Variants in ADAMTSL1 observed in about 807,000 individuals in gnomAD.
ADAMTSL1 encodes the protein ADAMTS-like protein 1.
Under a neutral mutation model 201.8 loss-of-function variants are expected in ADAMTSL1, and 126 were observed. That is an observed-to-expected ratio of 0.62 (90% CI 0.54 to 0.72). The LOEUF (loss-of-function observed/expected upper bound fraction) is 0.72, where lower values mean the gene tolerates loss of function less well. ADAMTSL1 is among the 30% of genes least tolerant of loss of function. The pLI, the probability that ADAMTSL1 is intolerant of heterozygous loss-of-function variation, is 0.00. For synonymous variants in ADAMTSL1, 1,121 were observed against 903.4 expected, an observed-to-expected ratio of 1.24 and a Z score of -4.32; for missense variants, 2,679 against 2,277.8, an observed-to-expected ratio of 1.18 and a Z score of -3.59.
intron 2 of ADAMTSL1, among the ~76,000 whole-genome samples, chr9:18,440,152 T>G (rs1819933578): frequency 6.6e-6 from 1 of 152,176 alleles, no homozygotes; most frequent in African/African-American, 2.4e-5. Flanking sequence ...TTATTCTTCT[T>G]GATTATGCTT....
intron 2 of ADAMTSL1, among the ~76,000 whole-genome samples, chr9:18,184,419 C>G (rs139208614): frequency 6.6e-6 from 1 of 152,168 alleles, no homozygotes; most frequent in Middle Eastern, 3.4e-3. Context: ...AAAACTTTTA[C>G]AAGAATTTTT....
intron 1 of ADAMTSL1, among the ~76,000 whole-genome samples, chr9:17,987,052 G>A (rs1178952688): frequency 6.6e-6 from 1 of 152,036 alleles, no homozygotes; most frequent in Admixed American, 6.6e-5. Flanking sequence ...TTGCAGTTTT[G>A]ATATCCATGG....
chr9:18,125,634 T>G (rs537778467), intron 1 of ADAMTSL1, among the ~76,000 whole-genome samples: 3 of 152,356 alleles, frequency 2.0e-5, no homozygotes, highest in African/African-American at 4.8e-5. Context: ...TTAATTCTTT[T>G]GCATGTGGAC....
chr9:17,943,178 G>A (rs1438922794), intron 1 of ADAMTSL1, among the ~76,000 whole-genome samples: 3 of 152,100 alleles, frequency 2.0e-5, no homozygotes, highest in African/African-American at 7.2e-5. Context: ...CTGGGTTCAA[G>A]CAGTCCTCTC....
chr9:18,173,280 C>G (rs1200381707), intron 2 of ADAMTSL1, among the ~76,000 whole-genome samples: 1 of 152,060 alleles, frequency 6.6e-6, no homozygotes, highest in Non-Finnish European at 1.5e-5. Flanking sequence ...AGTGACAACG[C>G]TCGGTGCCCA....
intron 2 of ADAMTSL1, among the ~76,000 whole-genome samples, chr9:18,466,194 A>C (rs763497585): frequency 4.7e-4 from 72 of 152,266 alleles, no homozygotes; most frequent in Non-Finnish European, 7.2e-4. Flanking sequence ...TTGGATTTTA[A>C]CTTCTAGGAA....
intron 2 of ADAMTSL1, among the ~76,000 whole-genome samples, chr9:18,210,114 C>T (rs942661604): frequency 8.6e-5 from 13 of 151,984 alleles, no homozygotes; most frequent in Non-Finnish European, 1.8e-4. Flanking sequence ...CAGCCTCTTT[C>T]TCTTAACATA....
chr9:18,545,457 T>G (rs1016050337), intron 3 of ADAMTSL1, among the ~76,000 whole-genome samples: 3 of 152,126 alleles, frequency 2.0e-5, no homozygotes, highest in African/African-American at 7.2e-5. Flanking sequence ...TTACAACATA[T>G]GCTTTTTTTT....
intron 2 of ADAMTSL1, among the ~76,000 whole-genome samples, chr9:18,244,055 A>C (rs1831167061): frequency 6.6e-6 from 1 of 151,510 alleles, no homozygotes; most frequent in Admixed American, 6.6e-5. Context: ...GGGCTTGAAC[A>C]CTTTTGCTAA....
chr9:18,179,898 C>A (rs930967140), intron 2 of ADAMTSL1, among the ~76,000 whole-genome samples: 1 of 152,124 alleles, frequency 6.6e-6, no homozygotes. Flanking sequence ...AAAGGAACAA[C>A]AAGTACCAGC....
intron 2 of ADAMTSL1, among the ~76,000 whole-genome samples, chr9:18,405,895 C>T (rs10115626): frequency 0.12 from 17,759 of 152,142 alleles, 1,327 homozygotes; most frequent in South Asian, 0.24. Flanking sequence ...TTTAAAAAAA[C>T]AATTACTCTT....
intron 1 of ADAMTSL1, among the ~76,000 whole-genome samples, chr9:18,082,387 C>T (rs150090117): frequency 1.1e-4 from 16 of 152,290 alleles, no homozygotes; most frequent in African/African-American, 3.4e-4. Flanking sequence ...TCAGCTCTCA[C>T]CGCAACCTCC....
chr9:18,680,200 C>T (rs1468237084), intron 10 of ADAMTSL1, 112 bp from the exon 11 acceptor site: 3 of 1,105,428 alleles, frequency 2.7e-6, no homozygotes, highest in Admixed American at 2.4e-5. Flanking sequence ...TGGACCTTAG[C>T]CTCTCAGAAC....
chr9:18,124,333 A>G (rs922057598), intron 1 of ADAMTSL1, among the ~76,000 whole-genome samples: 1 of 152,012 alleles, frequency 6.6e-6, no homozygotes, highest in Non-Finnish European at 1.5e-5. Flanking sequence ...TGCCCTCTTC[A>G]GCCTCCCAAA....
chr9:18,256,312 G>A (rs903731601), intron 2 of ADAMTSL1, among the ~76,000 whole-genome samples: 7 of 152,174 alleles, frequency 4.6e-5, no homozygotes, highest in African/African-American at 1.2e-4. Context: ...GATGGAAGAC[G>A]CTAGGCAGGC....
intron 4 of ADAMTSL1, among the ~76,000 whole-genome samples, chr9:18,590,139 C>A (rs540341913): frequency 7.2e-5 from 11 of 152,026 alleles, no homozygotes; most frequent in African/African-American, 2.6e-4. Flanking sequence ...TGGTAGAATT[C>A]AGCAGTGAAG....
intron 1 of ADAMTSL1, among the ~76,000 whole-genome samples, chr9:17,979,415 T>G (rs1818593225): frequency 6.6e-6 from 1 of 152,156 alleles, no homozygotes. Flanking sequence ...GTCCTGTCTT[T>G]CAGTTCATAG....
rs374824274 is a variant in ADAMTSL1 at position 18,767,728 on chromosome 9, T to G, written c.2218-2874T>G. On this transcript the variant is annotated intron_variant, in intron 16 of 28. Transcript: ENST00000380548. ...GCGGGTACAAAATTAGTTAAAGAAG[T>G]GAAATCCTTTAATGTCTTATTGAAT... Among the ~76,000 whole-genome samples the G allele has an allele frequency of 8.3e-4, 126 of 152,290 alleles. 2 individuals are homozygous for G. In the South Asian group the frequency reaches 0.025, roughly 30 times the overall value.
At position 18,777,867 on chromosome 9, in the gene ADAMTSL1, G is replaced by C. The variant is rs1004547452; in HGVS notation, c.3638G>C (p.Ser1213Thr). The change falls in exon 19 of 29, where the codon AGC becomes ACC. Residue 1213 changes from serine to threonine, a missense_variant. Ser to Thr is a moderately conservative substitution (Grantham distance 58, BLOSUM62 1). Coordinates refer to ENST00000380548, the MANE Select transcript of ADAMTSL1 (RefSeq NM_001040272.6). ...EAIGHPRPTI[S>T]WARNGEEVQF... is the part of the protein sequence containing the mutation. ...ATCGGCCACCCAAGGCCTACCATCA[G>C]CTGGGCCAGGAATGGAGAAGAAGTT... The C allele has an allele frequency of 1.9e-6, 3 of 1,571,474 alleles. No homozygotes were observed. In the African/African-American group the frequency reaches 4.1e-5, roughly 21 times the overall value.
Sources: allele counts gnomAD v4.1 joint callset (sites outside exome capture counted in the v4.1 genomes callset), GRCh38; gene constraint gnomAD v4.1.1; transcripts MANE v1.5; gene names NCBI Gene and HGNC (gene_info 2026-07-23, HGNC 2026-07-21).